ZNF143: variants seen among roughly 807,000 people sequenced by gnomAD.
The protein encoded by ZNF143 is SPH-binding factor.
ZNF143 carries 49 observed loss-of-function variants against 74.1 expected under a neutral mutation model. The ratio of observed to expected loss-of-function variants is 0.66; its 90% CI spans 0.53 to 0.84. The LOEUF is 0.84. Among genes scored for constraint, ZNF143 ranks in the 40% least tolerant of loss-of-function variants. The pLI is 0.00. For synonymous variants in ZNF143, 304 were observed against 282.8 expected, an observed-to-expected ratio of 1.07 and a Z score of -0.75; for missense variants, 637 against 793.4, an observed-to-expected ratio of 0.80 and a Z score of 2.37.
intron 14 of ZNF143, among the ~76,000 whole-genome samples, chr11:9,518,877 A>T (rs1848815478): frequency 6.6e-6 from 1 of 152,110 alleles, no homozygotes; most frequent in South Asian, 2.1e-4. Flanking sequence ...TTTTCACTGT[A>T]CTCTTGCATT....
chr11:9,461,463 C>T (rs1855836263), intron 1 of ZNF143, among the ~76,000 whole-genome samples: 1 of 152,166 alleles, frequency 6.6e-6, no homozygotes, highest in African/African-American at 2.4e-5. Flanking sequence ...AGTCCCCAGG[C>T]GCCGCCGAGG....
At chr11:9,466,378 C>T (rs1465401913) in intron 1 of ZNF143, among the ~76,000 whole-genome samples, 1 of 151,852 alleles carries the variant, frequency 6.6e-6, no homozygotes, top group African/African-American at 2.4e-5. Context: ...TCACTGCAAC[C>T]TACGTCTCCC....
At chr11:9,474,238 T>C (rs904312562) in intron 4 of ZNF143, among the ~76,000 whole-genome samples, 2 of 152,202 alleles carry the variant, frequency 1.3e-5, no homozygotes, top group African/African-American at 4.8e-5. Context: ...TGGAGATAAA[T>C]GAGTAACAGT....
At chr11:9,490,014 C>G (rs1847709210) in intron 7 of ZNF143, among the ~76,000 whole-genome samples, 3 of 151,794 alleles carry the variant, frequency 2.0e-5, no homozygotes, top group Admixed American at 2.0e-4. Context: ...GACTCCATTT[C>G]TACAATTTTT....
chr11:9,494,570 C>T, intron 7 of ZNF143, 76 bp from the exon 8 acceptor site: 1 of 1,466,680 alleles, frequency 6.8e-7, no homozygotes, highest in Non-Finnish European at 9.3e-7. Context: ...CTCTGCCTCC[C>T]CATGTGCTAA....
Position 9,487,264 on chromosome 11 carries a change from G to A in ZNF143, c.646-7382G>A, listed in dbSNP as rs577484346. ...TTACAGGCGTGAGCCACAGCACCTG[G>A]CCACAGTATGTCCTTTATAGACAGG... is the stretch of plus-strand genomic sequence containing the variant. On this transcript the variant is annotated intron_variant, in intron 7 of 15. Transcript: ENST00000396602. 8.6e-5 allele frequency among the ~76,000 whole-genome samples: 13 copies of A among 151,646 alleles called. 2 individuals carry two copies. Among genetic ancestry groups the A allele is most frequent in the African/African-American group, 2.7e-4 (11 of 40,946 alleles).
intron 11 of ZNF143, among the ~76,000 whole-genome samples, chr11:9,505,605 G>C (rs1565056108): frequency 6.6e-6 from 1 of 152,010 alleles, no homozygotes; most frequent in Non-Finnish European, 1.5e-5. Flanking sequence ...TTATGGCCAG[G>C]CATGGTGGCT....
At chr11:9,481,973 T>TG (rs1847256992) in intron 7 of ZNF143, among the ~76,000 whole-genome samples, 1 of 19,342 alleles carries the variant, frequency 5.2e-5, no homozygotes, top group African/African-American at 2.5e-4. Context: ...AACCCATTAC[T>TG]CTTTTTTTTT....
At chr11:9,509,626 T>TA (rs1457145485) in intron 12 of ZNF143, among the ~76,000 whole-genome samples, 1 of 152,212 alleles carries the variant, frequency 6.6e-6, no homozygotes, top group East Asian at 1.9e-4. Context: ...TTTAACAACA[T>TA]ATATTGAAGC....
chr11:9,527,263 T>C (rs959709412), intron 15 of ZNF143, among the ~76,000 whole-genome samples: 14 of 152,188 alleles, frequency 9.2e-5, no homozygotes, highest in African/African-American at 3.4e-4. Context: ...TGGGCCACCA[T>C]GCCCCGCTGA....
chr11:9,479,466 C>T lies in ZNF143; in HGVS notation c.571-6C>T, dbSNP rs772373057. 3.0e-5 allele frequency: 49 copies of T among 1,609,678 alleles called. No homozygotes were observed. The highest frequency in any genetic ancestry group is 4.4e-5 in the South Asian group (4 of 90,744). The stretch of plus-strand genomic sequence containing the variant: ...AACATTTTAAAGCTTTATTTTATTC[C>T]TATAGGTGTCCATTGATGGAAGTGA... On this transcript the variant is annotated splice_region_variant and splice_polypyrimidine_tract_variant and intron_variant, in intron 6 of 15. Coordinates refer to ENST00000396602, the MANE Select transcript of ZNF143 (RefSeq NM_003442.6).
Position 9,508,039 on chromosome 11 carries a change from G to A in ZNF143, c.1148-580G>A, listed in dbSNP as rs555385787. ...ATAATGTTCTCAAGCTGTTTCATGG[G>A]ACAAAAATTAAAGTATTTACTTCCC... On this transcript the variant is annotated intron_variant, in intron 11 of 15. Coordinates refer to ENST00000396602, the MANE Select transcript of ZNF143 (RefSeq NM_003442.6). 1.1e-3 allele frequency among the ~76,000 whole-genome samples: 175 copies of A among 152,238 alleles called. 1 individual carries two copies. Among genetic ancestry groups the A allele is most frequent in the Non-Finnish European group, 1.8e-3 (119 of 68,000 alleles).
chr11:9,480,656 C>T lies in ZNF143; in HGVS notation c.645+1110C>T, dbSNP rs144508178. Reference sequence around the variant, plus strand: ...ATCCCAGCACTTTGGGAGGCTGAGGCGGATGGATGACTTGAGGTCAGGAGT... The same window carrying T: ...ATCCCAGCACTTTGGGAGGCTGAGGTGGATGGATGACTTGAGGTCAGGAGT... On this transcript the variant is annotated intron_variant, in intron 7 of 15. Coordinates refer to ENST00000396602, the MANE Select transcript of ZNF143 (RefSeq NM_003442.6). 2.9e-3 allele frequency among the ~76,000 whole-genome samples: 438 copies of T among 152,076 alleles called. 5 individuals carry two copies. The highest frequency in any genetic ancestry group is 1.0e-2 in the African/African-American group (413 of 41,500).
intron 12 of ZNF143, 75 bp from the exon 13 acceptor site, chr11:9,512,373 T>C (rs1156724400): frequency 1.6e-5 from 25 of 1,527,860 alleles, no homozygotes; most frequent in Non-Finnish European, 1.7e-5. Flanking sequence ...AATTTTCTCT[T>C]TAATATTTAA....
intron 12 of ZNF143, among the ~76,000 whole-genome samples, chr11:9,511,657 C>T (rs1225443071): frequency 2.6e-5 from 4 of 151,594 alleles, no homozygotes; most frequent in Non-Finnish European, 4.4e-5. Context: ...AGACTGGTCG[C>T]GAACTCCCAA....
rs1318665233 is a variant in ZNF143, at chr11:9,512,520, CTACACAAGTAGCCACAG to C, written c.1451_1467del (p.Thr484AsnfsTer26). 8.1e-6 allele frequency: 13 copies of C among 1,614,034 alleles called. No individual in the cohort carries two copies. Among genetic ancestry groups the C allele is most frequent in the Non-Finnish European group, 1.1e-5 (13 of 1,180,034 alleles). ...GGTGTAGAAGGGGACGACGTTGTTT[CTACACAAGTAGCCACAG>C]TAACCCAATCTGGACTGAGTCAACA... On this transcript the variant is annotated frameshift_variant, in exon 13 of 16. Transcript: ENST00000396602. LOFTEE classifies it high-confidence loss of function.
At chr11:9,467,264 T>G (rs1437141153) in intron 1 of ZNF143, among the ~76,000 whole-genome samples, 1 of 143,636 alleles carries the variant, frequency 7.0e-6, no homozygotes, top group Non-Finnish European at 1.5e-5. Context: ...GAGATAGAGT[T>G]TTACTCTGTA....
intron 7 of ZNF143, among the ~76,000 whole-genome samples, chr11:9,494,294 T>G (rs1378603479): frequency 6.6e-6 from 1 of 152,170 alleles, no homozygotes; most frequent in African/African-American, 2.4e-5. Flanking sequence ...TCTGTTTTAT[T>G]TCTGTATTAT....
Position 9,486,103 on chromosome 11 carries a change from A to G in ZNF143, c.645+6557A>G, listed in dbSNP as rs1389609672. ...ACATTACTAAGCCCCTCTGAGTCTCATTTTTTCTATTTGTAAATCATAGTT... is the reference window on the plus strand; with the variant it reads ...ACATTACTAAGCCCCTCTGAGTCTCGTTTTTTCTATTTGTAAATCATAGTT... On this transcript the variant is annotated intron_variant, in intron 7 of 15. Coordinates refer to ENST00000396602, the MANE Select transcript of ZNF143 (RefSeq NM_003442.6). Among the ~76,000 whole-genome samples, 3 of 149,912 alleles carry G rather than the reference A, an allele frequency of 2.0e-5. No individual in the cohort carries two copies. In the East Asian group the frequency reaches 5.8e-4, roughly 29 times the overall value.
Sources: allele counts gnomAD v4.1 joint callset (sites outside exome capture counted in the v4.1 genomes callset), GRCh38; gene constraint gnomAD v4.1.1; transcripts MANE v1.5; gene names NCBI Gene and HGNC (gene_info 2026-07-23, HGNC 2026-07-21).